The following MACC1 variants were observed in gnomAD, a reference collection of about 807,000 sequenced individuals.
The protein encoded by MACC1 is metastasis-associated in colon cancer protein 1.
MACC1 carries 79 observed loss-of-function variants against 70.7 expected under a neutral mutation model. The observed-to-expected ratio is 1.12, with a 90% confidence interval of 0.93 to 1.35. The LOEUF (loss-of-function observed/expected upper bound fraction) is 1.35. Among genes scored for constraint, MACC1 ranks in the 40% most tolerant of loss-of-function variants. MACC1 has a pLI of 0.00. For missense variants in MACC1, 1,106 were observed against 978.1 expected, an observed-to-expected ratio of 1.13 and a Z score of -1.74; for synonymous variants, 361 against 347.2, an observed-to-expected ratio of 1.04 and a Z score of -0.44.
At position 20,137,474 on chromosome 7, in the gene MACC1, G is replaced by C. The variant is rs1413874909; in HGVS notation, c.*3472C>G. 1 of 152,190 alleles carries C rather than the reference G, an allele frequency of 6.6e-6. No homozygotes were observed. Among genetic ancestry groups the C allele is most frequent in the Non-Finnish European group, 1.5e-5 (1 of 68,024 alleles). 9.4% of individuals were successfully genotyped at this position (152,190 alleles called of 1,614,324 possible). On this transcript the variant is annotated 3_prime_UTR_variant, in exon 7 of 7. Coordinates refer to ENST00000400331, the MANE Select transcript of MACC1 (RefSeq NM_182762.4). ...AAGGCTTTAACACAAAGGAGGTAGA[G>C]GATCTGTGGCTTATACAGAAAAATT...
intron 1 of MACC1, among the ~76,000 whole-genome samples, chr7:20,174,584 T>A (rs1187189521): frequency 6.6e-6 from 1 of 152,142 alleles, no homozygotes; most frequent in African/African-American, 2.4e-5. Flanking sequence ...TAAAGAAAAG[T>A]ACGAGAATAA....
In MACC1 at chr7:20,172,840, G is replaced by A. The variant is rs1048123236; in HGVS notation, c.-217-2062C>T. Reference sequence around the variant, plus strand: ...CTCAAGGTCAGGAGCCTATCTCCTTGCTGAGAGCCTGTGCTGCTCTGGGGA... The same window carrying A: ...CTCAAGGTCAGGAGCCTATCTCCTTACTGAGAGCCTGTGCTGCTCTGGGGA... On this transcript the variant is annotated intron_variant, in intron 1 of 6. Transcript: ENST00000400331. Among the ~76,000 whole-genome samples the A allele has an allele frequency of 3.3e-5, 5 of 152,182 alleles. No homozygotes were observed. The South Asian group carries it at 8.3e-4, about 25-fold the overall frequency.
At chr7:20,193,523 T>C (rs1017743071) in intron 1 of MACC1, among the ~76,000 whole-genome samples, 3 of 152,208 alleles carry the variant, frequency 2.0e-5, no homozygotes, top group African/African-American at 7.2e-5. Flanking sequence ...TCAATTCTCA[T>C]TTCTCATCTA....
At chr7:20,168,994 CAGA>C (rs1782262338) in intron 2 of MACC1, among the ~76,000 whole-genome samples, 1 of 152,138 alleles carries the variant, frequency 6.6e-6, no homozygotes, top group Non-Finnish European at 1.5e-5. Flanking sequence ...GTAGCCTGAG[CAGA>C]AGATCATTCT....
At chr7:20,209,441 T>C (rs899722249) in intron 1 of MACC1, among the ~76,000 whole-genome samples, 1 of 152,258 alleles carries the variant, frequency 6.6e-6, no homozygotes, top group African/African-American at 2.4e-5. Context: ...TGGAACTTTA[T>C]GGGTTAATGA....
chr7:20,209,182 G>T (rs112799883), intron 1 of MACC1, among the ~76,000 whole-genome samples: 1 of 152,190 alleles, frequency 6.6e-6, no homozygotes, highest in Non-Finnish European at 1.5e-5. Flanking sequence ...CACATAGTCC[G>T]CTCTGGGGCA....
rs919488499 is a variant in MACC1 at position 20,138,391 on chromosome 7, G to C, written c.*2555C>G. The C allele has an allele frequency of 1.3e-5, 2 of 151,890 alleles. No individual in the cohort carries two copies. The allele number at this position is 151,890 out of a possible 1,614,324, so 9.4% of individuals were successfully genotyped here. ...ACACTAATCAGCTAACAAGATCTCT[G>C]TCTTCTTAGATCTTGGAGCCTGGAA... is the stretch of plus-strand genomic sequence containing the variant. On this transcript the variant is annotated 3_prime_UTR_variant, in exon 7 of 7. Coordinates refer to ENST00000400331, the MANE Select transcript of MACC1 (RefSeq NM_182762.4).
At chr7:20,194,428 TAGAA>T (rs1033848948) in intron 1 of MACC1, among the ~76,000 whole-genome samples, 1 of 152,056 alleles carries the variant, frequency 6.6e-6, no homozygotes, top group African/African-American at 2.4e-5. Flanking sequence ...TAGTTTTCAT[TAGAA>T]AGAAACACAC....
rs766013196 is a variant in MACC1, at chr7:20,158,982, A to G, written c.1379T>C (p.Leu460Ser). The G allele has an allele frequency of 8.1e-6, 13 of 1,614,070 alleles. No individual in the cohort carries two copies. Among genetic ancestry groups the G allele is most frequent in the Non-Finnish European group, 1.1e-5 (13 of 1,180,036 alleles). ...GERKEIKQKQLEAGEVVHQQF... is the reference protein window; with the variant it reads ...GERKEIKQKQSEAGEVVHQQF... ...TTGATGAACTACTTCACCTGCTTCC[A>G]ACTGCTTTTGTTTAATTTCTTTCCT... is the stretch of plus-strand genomic sequence containing the variant. Residue 460 changes from leucine to serine, a missense_variant, in exon 5 of 7, where the codon TTG becomes TCG. Coordinates refer to ENST00000400331, the MANE Select transcript of MACC1 (RefSeq NM_182762.4).
chr7:20,154,830 G>A (rs944971706), intron 5 of MACC1, among the ~76,000 whole-genome samples: 1 of 151,932 alleles, frequency 6.6e-6, no homozygotes, highest in African/African-American at 2.4e-5. Context: ...TATGTGAACT[G>A]GTGATGGTAA....
At chr7:20,175,486 G>C (rs1031327922) in intron 1 of MACC1, among the ~76,000 whole-genome samples, 17 of 151,978 alleles carry the variant, frequency 1.1e-4, no homozygotes, top group Non-Finnish European at 2.4e-4. Context: ...TATTTTCAAA[G>C]ATATCTGCAT....
At chr7:20,143,072 C>T (rs562797735) in intron 6 of MACC1, among the ~76,000 whole-genome samples, 2 of 152,294 alleles carry the variant, frequency 1.3e-5, no homozygotes, top group South Asian at 4.1e-4. Context: ...TGGGGTTGTC[C>T]ACTACACTAC....
At chr7:20,182,989 G>A (rs942609344) in intron 1 of MACC1, among the ~76,000 whole-genome samples, 1 of 152,096 alleles carries the variant, frequency 6.6e-6, no homozygotes, top group Admixed American at 6.5e-5. Context: ...TTGACGAGTG[G>A]GGTAGCCTGA....
chr7:20,208,039 T>G (rs1782937707), intron 1 of MACC1, among the ~76,000 whole-genome samples: 1 of 152,206 alleles, frequency 6.6e-6, no homozygotes, highest in Admixed American at 6.5e-5. Flanking sequence ...GCATTTCCCC[T>G]GCTGGGACTC....
chr7:20,137,364 G>A lies in MACC1; in HGVS notation c.*3582C>T, dbSNP rs1781732460. 1 of 152,126 alleles carries A rather than the reference G, an allele frequency of 6.6e-6. No homozygotes were observed. Among genetic ancestry groups the A allele is most frequent in the Admixed American group, 6.5e-5 (1 of 15,268 alleles). 9.4% of individuals were successfully genotyped at this position (152,126 alleles called of 1,614,324 possible). A position where few individuals can be genotyped will look rare whatever the true frequency, so the allele number is the denominator to read the frequency against. ...TTTATATAGTATGTTCTACATTACA[G>A]GCCATGAAAATGTGCTGTATCCATT... On this transcript the variant is annotated 3_prime_UTR_variant, in exon 7 of 7. Transcript: ENST00000400331.
chr7:20,183,856 C>A (rs940633078), intron 1 of MACC1, among the ~76,000 whole-genome samples: 3 of 151,922 alleles, frequency 2.0e-5, no homozygotes, highest in African/African-American at 7.3e-5. Context: ...CACAGGCGCC[C>A]GCCACCATGC....
intron 1 of MACC1, among the ~76,000 whole-genome samples, chr7:20,184,255 G>C (rs1308155231): frequency 6.6e-6 from 1 of 152,028 alleles, no homozygotes; most frequent in Admixed American, 6.6e-5. Context: ...CTTTTATTCA[G>C]TCATACTCAT....
In MACC1 at chr7:20,138,179, A is replaced by AAAAAAAAAAAAAAAAAAAAAAAAAAC. The variant is rs1562576802; in HGVS notation, c.*2766_*2767insGTTTTTTTTTTTTTTTTTTTTTTTTT. 4 of 139,448 alleles carry AAAAAAAAAAAAAAAAAAAAAAAAAAC rather than the reference A, an allele frequency of 2.9e-5. No individual in the cohort carries two copies. Among genetic ancestry groups the AAAAAAAAAAAAAAAAAAAAAAAAAAC allele is most frequent in the Admixed American group, 7.0e-5 (1 of 14,292 alleles). 8.6% of individuals were successfully genotyped at this position (139,448 alleles called of 1,614,324 possible). On this transcript the variant is annotated 3_prime_UTR_variant, in exon 7 of 7. Coordinates refer to ENST00000400331, the MANE Select transcript of MACC1 (RefSeq NM_182762.4). ...AAAAAAAAAAAAAAAAAAAAAAAAA[A>AAAAAAAAAAAAAAAAAAAAAAAAAAC]AAATTTCCCCTGGAAGGATTTGTTA...
At chr7:20,185,443 C>A (rs1307695247) in intron 1 of MACC1, among the ~76,000 whole-genome samples, 1 of 151,354 alleles carries the variant, frequency 6.6e-6, no homozygotes, top group African/African-American at 2.4e-5. Flanking sequence ...GGGTTGGACG[C>A]CCAAGCTAAA....
Sources: allele counts gnomAD v4.1 joint callset (sites outside exome capture counted in the v4.1 genomes callset), GRCh38; gene constraint gnomAD v4.1.1; transcripts MANE v1.5; gene names NCBI Gene and HGNC (gene_info 2026-07-23, HGNC 2026-07-21).